The following CCDC88A variants were observed in gnomAD, a reference collection of about 807,000 sequenced individuals.
The protein encoded by CCDC88A is girdin.
A neutral mutation model predicts 234.3 loss-of-function variants in CCDC88A; 54 were observed. The ratio of observed to expected loss-of-function variants is 0.23; its 90% CI spans 0.19 to 0.29. The LOEUF (loss-of-function observed/expected upper bound fraction) is 0.29. Among genes scored for constraint, CCDC88A ranks in the 10% least tolerant of loss-of-function variants. CCDC88A has a pLI of 1.00. For synonymous variants in CCDC88A, 753 were observed against 737.8 expected (o/e 1.02, Z -0.33); for missense variants, 1,832 against 2,123.4 (o/e 0.86, Z 2.70).
intron 25 of CCDC88A, chr2:55,308,567 T>C: frequency 2.3e-6 from 1 of 427,948 alleles, no homozygotes; most frequent in Non-Finnish European, 4.1e-6. Context: ...ATTCCAGCTC[T>C]TATTTTAACT....
intron 8 of CCDC88A, among the ~76,000 whole-genome samples, chr2:55,354,235 G>A (rs1344351065): frequency 6.6e-6 from 1 of 151,514 alleles, no homozygotes; most frequent in East Asian, 2.0e-4. Flanking sequence ...CCACCTCCTG[G>A]GTTCAAGCGA....
At chr2:55,398,768 G>A (rs1678064395) in intron 2 of CCDC88A, among the ~76,000 whole-genome samples, 1 of 151,956 alleles carries the variant, frequency 6.6e-6, no homozygotes, top group Non-Finnish European at 1.5e-5. Context: ...TTAAAAATGA[G>A]GCAGGAAGAT....
chr2:55,382,461 C>T (rs760740460), intron 3 of CCDC88A, among the ~76,000 whole-genome samples: 4 of 152,166 alleles, frequency 2.6e-5, no homozygotes, highest in South Asian at 4.1e-4. Flanking sequence ...CTTATTCAAA[C>T]TGCGGCCAAT....
At chr2:55,319,650 C>T (rs1051651750) in intron 18 of CCDC88A, among the ~76,000 whole-genome samples, 2 of 152,024 alleles carry the variant, frequency 1.3e-5, no homozygotes, top group African/African-American at 4.8e-5. Flanking sequence ...CATTTCCAAA[C>T]AAAACATAAA....
Position 55,412,289 on chromosome 2 carries a change from TC to T in CCDC88A, c.164+6526del, listed in dbSNP as rs1204483373. 5.0e-4 allele frequency among the ~76,000 whole-genome samples: 76 copies of T among 152,166 alleles called. 1 individual carries two copies. Among genetic ancestry groups the T allele is most frequent in the African/African-American group, 1.8e-3 (73 of 41,468 alleles). The stretch of plus-strand genomic sequence containing the variant: ...TCCGAATCATAAGGAAGAAAACAAC[TC>T]TGCCTGGGGACTTCACAAGGTATTA... On this transcript the variant is annotated intron_variant, in intron 2 of 32. Transcript: ENST00000436346.
chr2:55,410,411 T>C (rs1680277986), intron 2 of CCDC88A, among the ~76,000 whole-genome samples: 1 of 152,240 alleles, frequency 6.6e-6, no homozygotes. Flanking sequence ...ATTATGAAGG[T>C]ATATTTATCA....
chr2:55,407,433 C>T (rs1484935255), intron 2 of CCDC88A, among the ~76,000 whole-genome samples: 5 of 150,652 alleles, frequency 3.3e-5, no homozygotes, highest in Admixed American at 2.0e-4. Flanking sequence ...GGTGAAATCC[C>T]GTCTCTACTA....
At chr2:55,411,641 C>A (rs565277197) in intron 2 of CCDC88A, among the ~76,000 whole-genome samples, 3 of 151,818 alleles carry the variant, frequency 2.0e-5, no homozygotes, top group Non-Finnish European at 4.4e-5. Flanking sequence ...TCACCAGGCA[C>A]GGTGGTGGGC....
intron 8 of CCDC88A, among the ~76,000 whole-genome samples, chr2:55,353,378 C>T (rs1278916883): frequency 6.6e-6 from 1 of 152,108 alleles, no homozygotes; most frequent in Non-Finnish European, 1.5e-5. Context: ...CTAATAACAG[C>T]AATCTCTTCC....
intron 31 of CCDC88A, 145 bp downstream of exon 31, chr2:55,295,452 T>C (rs550907639): frequency 3.2e-5 from 50 of 1,560,018 alleles, no homozygotes; most frequent in South Asian, 5.9e-5. Context: ...GTTTAGAAAA[T>C]GTGACCTTCC....
At chr2:55,400,251 T>C (rs1678384928) in intron 2 of CCDC88A, among the ~76,000 whole-genome samples, 1 of 152,210 alleles carries the variant, frequency 6.6e-6, no homozygotes, top group Non-Finnish European at 1.5e-5. Flanking sequence ...AAGGCCGTTT[T>C]CTAAAATAAA....
intron 27 of CCDC88A, 183 bp from the exon 28 acceptor site, chr2:55,301,460 A>G (rs116557083): frequency 0.017 from 9,038 of 529,504 alleles, 143 homozygotes; most frequent in Middle Eastern, 0.045. Context: ...CTCTCATTAG[A>G]GTTGACTTGC....
At chr2:55,349,435 A>G in intron 9 of CCDC88A, 83 bp downstream of exon 9, 2 of 970,318 alleles carry the variant, frequency 2.1e-6, no homozygotes, top group Non-Finnish European at 3.3e-6. Flanking sequence ...TAAAGCATTG[A>G]AGTAAAGGTT....
intron 2 of CCDC88A, among the ~76,000 whole-genome samples, chr2:55,395,376 C>T (rs1419981513): frequency 1.3e-5 from 2 of 152,204 alleles, no homozygotes; most frequent in African/African-American, 2.4e-5. Flanking sequence ...AAGTCCTAGA[C>T]TATATACTCT....
At chr2:55,305,077 G>T (rs975864805) in intron 25 of CCDC88A, among the ~76,000 whole-genome samples, 1 of 152,136 alleles carries the variant, frequency 6.6e-6, no homozygotes, top group African/African-American at 2.4e-5. Flanking sequence ...TGTTTTCAAT[G>T]ATTAAAAAGA....
At position 55,355,482 on chromosome 2, in the gene CCDC88A, GAC is replaced by G; in HGVS notation, c.800+95_800+96del. On this transcript the variant is annotated intron_variant, in intron 8 of 32. Transcript: ENST00000436346. ...TTTCTCATTTACTTGTGAAAACACT[GAC>G]ACAAGCTAGCAATATTTCCATAAGC... 3 of 1,050,018 alleles carry G rather than the reference GAC, an allele frequency of 2.9e-6. No individual in the cohort carries two copies. The South Asian group carries it at 4.0e-5, about 14-fold the overall frequency. 65.0% of individuals were successfully genotyped at this position (1,050,018 alleles called of 1,614,324 possible). A position where few individuals can be genotyped will look rare whatever the true frequency, so the allele number is the denominator to read the frequency against.
chr2:55,337,866 GATA>G (rs903014258), intron 13 of CCDC88A, among the ~76,000 whole-genome samples: 6 of 151,508 alleles, frequency 4.0e-5, no homozygotes, highest in Admixed American at 6.6e-5. Context: ...TAATAATGAT[GATA>G]ATAATAATAA....
chr2:55,370,773 C>T (rs1412941544), intron 5 of CCDC88A, among the ~76,000 whole-genome samples: 2 of 150,528 alleles, frequency 1.3e-5, no homozygotes, highest in Admixed American at 6.6e-5. Flanking sequence ...TTTGGGAGGC[C>T]GAGGCAGGAA....
At position 55,295,598 on chromosome 2, in the gene CCDC88A, A is replaced by G. The variant is rs760761141; in HGVS notation, c.5550T>C (p.Ser1850=). 7 of 1,614,064 alleles carry G rather than the reference A, an allele frequency of 4.3e-6. No individual in the cohort carries two copies. Among genetic ancestry groups the G allele is most frequent in the Non-Finnish European group, 5.9e-6 (7 of 1,180,012 alleles). ...AAADSNTTAA[S]NVDKVQESRN... ...ACCACTGGTGTAAATGGTACTCACTAGATGCTGCAGTGGTGTTGCTGTCAG... is the reference window on the plus strand; with the variant it reads ...ACCACTGGTGTAAATGGTACTCACTGGATGCTGCAGTGGTGTTGCTGTCAG... Residue 1850 remains serine, a splice_region_variant and synonymous_variant, in exon 31 of 33, where the codon TCT becomes TCC. Coordinates refer to ENST00000436346, the MANE Select transcript of CCDC88A (RefSeq NM_001365480.1).
Sources: gnomAD v4.1 joint callset for allele counts (sites outside exome capture counted in the v4.1 genomes callset) on GRCh38, gnomAD v4.1.1 for gene constraint, MANE v1.5 for transcripts, NCBI Gene and HGNC (gene_info 2026-07-23, HGNC 2026-07-21) for gene names.